The following PRKN variants were observed in gnomAD, a reference collection of about 807,000 sequenced individuals.
PRKN encodes the protein parkin RBR E3 ubiquitin protein ligase, also known as E3 ubiquitin-protein ligase parkin.
A neutral mutation model predicts 59.5 loss-of-function variants in PRKN; 56 were observed. The observed-to-expected ratio is 0.94, with a 90% confidence interval of 0.76 to 1.18. PRKN has a LOEUF of 1.18. Among genes scored for constraint, PRKN ranks in the 50% most tolerant of loss-of-function variants. The pLI is 0.00. For missense variants in PRKN, 657 were observed against 596.4 expected (o/e 1.10, Z -1.06); for synonymous variants, 250 against 222.1 (o/e 1.13, Z -1.12).
At chr6:161,698,582 A>G (rs1337773796) in intron 7 of PRKN, among the ~76,000 whole-genome samples, 1 of 151,584 alleles carries the variant, frequency 6.6e-6, no homozygotes, top group Admixed American at 6.6e-5. Flanking sequence ...AGAAATGTAC[A>G]ATTATCAGAA....
At chr6:162,696,141 G>A (rs1777957972) in intron 1 of PRKN, among the ~76,000 whole-genome samples, 1 of 151,960 alleles carries the variant, frequency 6.6e-6, no homozygotes, top group Non-Finnish European at 1.5e-5. Context: ...GTGAATACAG[G>A]GCAAAAATGA....
At chr6:162,373,943 A>T (rs1330713114) in intron 2 of PRKN, among the ~76,000 whole-genome samples, 1 of 152,160 alleles carries the variant, frequency 6.6e-6, no homozygotes, top group Non-Finnish European at 1.5e-5. Flanking sequence ...GTACACAAAC[A>T]GTTGTATTGG....
At chr6:161,996,843 AT>A (rs199726119) in intron 5 of PRKN, among the ~76,000 whole-genome samples, 46 of 150,162 alleles carry the variant, frequency 3.1e-4, no homozygotes, top group Admixed American at 1.3e-3. Flanking sequence ...AAAACGTTTT[AT>A]TTTTTTTTTA....
At chr6:161,809,850 T>C (rs1286202928) in intron 6 of PRKN, among the ~76,000 whole-genome samples, 2 of 152,216 alleles carry the variant, frequency 1.3e-5, no homozygotes, top group African/African-American at 4.8e-5. Context: ...TGGCTTCAAA[T>C]TATTAAGTAG....
chr6:162,162,229 A>C (rs1371399490), intron 4 of PRKN, among the ~76,000 whole-genome samples: 2 of 152,172 alleles, frequency 1.3e-5, no homozygotes, highest in Admixed American at 6.5e-5. Flanking sequence ...GATTACAGGC[A>C]CATGCCACCA....
Position 161,825,358 on chromosome 6 carries a change from AGG to A in PRKN, c.735-39452_735-39451del, listed in dbSNP as rs1792197285. ...ACTTTTGCATTCTGTTTCTTAAAGA[AGG>A]TCTCCCAAATGGTGTAATTTAAGAT... is the stretch of plus-strand genomic sequence containing the variant. On this transcript the variant is annotated intron_variant, in intron 6 of 11. Coordinates refer to ENST00000366898, the MANE Select transcript of PRKN (RefSeq NM_004562.3). 3.3e-5 allele frequency among the ~76,000 whole-genome samples: 5 copies of A among 150,190 alleles called. No individual in the cohort carries two copies. In the East Asian group the frequency reaches 9.7e-4, roughly 29 times the overall value.
rs546861123 is a variant in PRKN, at chr6:162,436,775, T to C, written c.171+6535A>G. ...TCATCATGTCTATTCAGATCTATAA[T>C]GTGCTAAAAATTCTGTTTAAGACTT... On this transcript the variant is annotated intron_variant, in intron 2 of 11. Coordinates refer to ENST00000366898, the MANE Select transcript of PRKN (RefSeq NM_004562.3). Among the ~76,000 whole-genome samples, 14 of 130,518 alleles carry C rather than the reference T, an allele frequency of 1.1e-4. No homozygotes were observed. The South Asian group carries it at 3.3e-3, about 31-fold the overall frequency. 85.6% of individuals were successfully genotyped at this position (130,518 alleles called of 152,430 possible).
rs35219002 is a variant in PRKN at position 161,357,048 on chromosome 6, CTTTTTTT to C, written c.1285+3033_1285+3039del. ...CAGGTCCAGGTTCGCTGACCACTTC[CTTTTTTT>C]TTTTTTTTTTTTTTGAGACAGAGTC... On this transcript the variant is annotated intron_variant, in intron 11 of 11. Coordinates refer to ENST00000366898, the MANE Select transcript of PRKN (RefSeq NM_004562.3). This position sits in a 1 kb window ranked among gnomAD's most constrained non-coding sequence, Gnocchi z 5.5. 8.6e-6 allele frequency among the ~76,000 whole-genome samples: 1 copy of C among 115,610 alleles called. No individual in the cohort carries two copies. Among genetic ancestry groups the C allele is most frequent in the Non-Finnish European group, 1.7e-5 (1 of 58,114 alleles). 75.8% of individuals were successfully genotyped at this position (115,610 alleles called of 152,430 possible).
chr6:161,648,212 TCA>T (rs1341857517), intron 7 of PRKN, among the ~76,000 whole-genome samples: 2 of 152,184 alleles, frequency 1.3e-5, no homozygotes, highest in African/African-American at 4.8e-5. Context: ...TTTTTTAAAC[TCA>T]CACAGATATG....
At chr6:162,194,878 C>T (rs551101990) in intron 4 of PRKN, among the ~76,000 whole-genome samples, 3 of 152,044 alleles carry the variant, frequency 2.0e-5, no homozygotes, top group Admixed American at 2.0e-4. Flanking sequence ...GATGAGAGCC[C>T]GTGATAAGGA....
chr6:161,854,308 T>C (rs1043559072), intron 6 of PRKN, among the ~76,000 whole-genome samples: 9 of 150,562 alleles, frequency 6.0e-5, no homozygotes, highest in Non-Finnish European at 1.5e-5. Flanking sequence ...TAAATGAAAA[T>C]TAAGATTAAA....
chr6:161,881,436 T>G (rs546570122), intron 6 of PRKN, among the ~76,000 whole-genome samples: 10 of 152,300 alleles, frequency 6.6e-5, no homozygotes, highest in Admixed American at 6.5e-5. Flanking sequence ...GTGTGTTTCC[T>G]GAGTGGGGCT....
chr6:161,816,072 G>C (rs1334564197), intron 6 of PRKN, among the ~76,000 whole-genome samples: 1 of 152,106 alleles, frequency 6.6e-6, no homozygotes. Context: ...AGCTCTGTTT[G>C]AAATAGCCCC....
At chr6:162,310,330 C>A (rs1354690318) in intron 2 of PRKN, among the ~76,000 whole-genome samples, 1 of 152,150 alleles carries the variant, frequency 6.6e-6, no homozygotes, top group Non-Finnish European at 1.5e-5. Context: ...CTGCCTCTAC[C>A]AGGCCAGTTC....
intron 6 of PRKN, among the ~76,000 whole-genome samples, chr6:161,930,411 C>T (rs1299960730): frequency 2.6e-5 from 4 of 152,176 alleles, no homozygotes; most frequent in Admixed American, 2.0e-4. Flanking sequence ...GTTCTTCAAA[C>T]ATTGTCTGGG....
chr6:161,904,309 G>GTTTT lies in PRKN; in HGVS notation c.734+68989_734+68992dup, dbSNP rs1025317025. Among the ~76,000 whole-genome samples, 75 of 72,568 alleles carry GTTTT rather than the reference G, an allele frequency of 1.0e-3. 2 individuals carry two copies. The highest frequency in any genetic ancestry group is 4.4e-3 in the African/African-American group (67 of 15,210). 47.6% of individuals were successfully genotyped at this position (72,568 alleles called of 152,430 possible). On this transcript the variant is annotated intron_variant, in intron 6 of 11. Transcript: ENST00000366898. ...GTTGGCTTGTTTTCGAATTTGTGGG[G>GTTTT]TTTTTTTTTTTTTTTTTTTTTTTTG...
intron 7 of PRKN, among the ~76,000 whole-genome samples, chr6:161,649,118 T>C (rs1056977102): frequency 1.3e-5 from 2 of 152,194 alleles, no homozygotes; most frequent in African/African-American, 4.8e-5. Context: ...CTGAAATCAG[T>C]TCTAACCAGA....
intron 1 of PRKN, among the ~76,000 whole-genome samples, chr6:162,586,382 G>A (rs1335644599): frequency 6.6e-6 from 1 of 152,168 alleles, no homozygotes; most frequent in African/African-American, 2.4e-5. Flanking sequence ...AATGCTATCT[G>A]TGAGAAACCA....
rs754066157 is a variant in PRKN, at chr6:162,262,570, G to A, written c.367C>T (p.Leu123=). 3 of 1,613,108 alleles carry A rather than the reference G, an allele frequency of 1.9e-6. No individual in the cohort carries two copies. Among genetic ancestry groups the A allele is most frequent in the South Asian group, 2.2e-5 (2 of 91,074 alleles). Residue 123 remains leucine, a synonymous_variant, in exon 3 of 12, where the codon CTG becomes TTG. Coordinates refer to ENST00000366898, the MANE Select transcript of PRKN (RefSeq NM_004562.3). ...PGDSVGLAVI[L]HTDSRKDSPP... Reference sequence around the variant, plus strand: ...GAGTCCTTCCTGCTGTCAGTGTGCAGAATGACAGCCAGCCCCACAGAGTCT... The same window carrying A: ...GAGTCCTTCCTGCTGTCAGTGTGCAAAATGACAGCCAGCCCCACAGAGTCT...
Sources: allele counts gnomAD v4.1 joint callset (sites outside exome capture counted in the v4.1 genomes callset), GRCh38; gene constraint gnomAD v4.1.1; non-coding constraint Gnocchi (gnomAD v3.1); transcripts MANE v1.5; gene names NCBI Gene and HGNC (gene_info 2026-07-23, HGNC 2026-07-21).